The following SMARCC1 variants were observed in gnomAD, a reference collection of about 807,000 sequenced individuals.
SMARCC1 encodes SWI/SNF related BAF chromatin remodeling complex subunit C1.
A neutral mutation model predicts 147.4 loss-of-function variants in SMARCC1; 43 were observed. The observed-to-expected ratio is 0.29, with a 90% CI of 0.23 to 0.38. The LOEUF (loss-of-function observed/expected upper bound fraction) is 0.38. SMARCC1 is among the 10% of genes least tolerant of loss of function. The probability of loss-of-function intolerance (pLI) is 1.00; values close to 1 mark genes in which losing one functional copy is unlikely to be tolerated. For missense variants in SMARCC1, 1,119 were observed against 1,381.1 expected (o/e 0.81, Z 3.01); for synonymous variants, 495 against 484.4 (o/e 1.02, Z -0.29).
chr3:47,736,199 A>T, intron 4 of SMARCC1, 73 bp from the exon 5 acceptor site: 1 of 786,532 alleles, frequency 1.3e-6, no homozygotes, highest in Non-Finnish European at 2.0e-6. Context: ...TGCAATATAC[A>T]AACCACCCCC....
chr3:47,606,820 G>T (rs2032483774), intron 26 of SMARCC1, among the ~76,000 whole-genome samples: 1 of 151,506 alleles, frequency 6.6e-6, no homozygotes, highest in Non-Finnish European at 1.5e-5. Flanking sequence ...TGATCCTCCA[G>T]CCTCAGCCTC....
chr3:47,613,731 C>T (rs2032597440), intron 25 of SMARCC1, among the ~76,000 whole-genome samples: 1 of 152,072 alleles, frequency 6.6e-6, no homozygotes, highest in South Asian at 2.1e-4. Flanking sequence ...CTCCAGCGAA[C>T]CCAGTTTTTC....
intron 3 of SMARCC1, among the ~76,000 whole-genome samples, chr3:47,740,850 C>CAAAAAAAAAAAAAAAAAAAAAAAAAAA: frequency 1.3e-5 from 1 of 77,880 alleles, no homozygotes; most frequent in Non-Finnish European, 3.0e-5. Flanking sequence ...GACTCTGACT[C>CAAAAAAAAAAAAAAAAAAAAAAAAAAA]AAAAAAAAAA....
At position 47,638,308 on chromosome 3, in the gene SMARCC1, C is replaced by T. The variant is rs370389554; in HGVS notation, c.2376+417G>A. On this transcript the variant is annotated intron_variant, in intron 22 of 27. Coordinates refer to ENST00000254480, the MANE Select transcript of SMARCC1 (RefSeq NM_003074.4). Reference sequence around the variant, plus strand: ...TGGGGTTTCACCATGTTAGCCAGGACGGTCTCGATCTCTTGGCCTTGTAAT... The same window carrying T: ...TGGGGTTTCACCATGTTAGCCAGGATGGTCTCGATCTCTTGGCCTTGTAAT... 1.2e-4 allele frequency among the ~76,000 whole-genome samples: 18 copies of T among 152,198 alleles called. No individual in the cohort carries two copies. The South Asian group carries it at 1.7e-3, about 14-fold the overall frequency.
chr3:47,649,836 C>A (rs763664891), intron 21 of SMARCC1, among the ~76,000 whole-genome samples: 2 of 152,130 alleles, frequency 1.3e-5, no homozygotes, highest in Admixed American at 6.5e-5. Flanking sequence ...TACATTCCAA[C>A]TCTCTTGAGG....
At chr3:47,634,018 T>C (rs1349373287) in intron 24 of SMARCC1, among the ~76,000 whole-genome samples, 1 of 152,012 alleles carries the variant, frequency 6.6e-6, no homozygotes, top group Non-Finnish European at 1.5e-5. Context: ...AGTCAAGTTA[T>C]ATTAGCCGTC....
chr3:47,589,119 G>C (rs1178269828), intron 27 of SMARCC1, among the ~76,000 whole-genome samples: 1 of 152,206 alleles, frequency 6.6e-6, no homozygotes, highest in Non-Finnish European at 1.5e-5. Context: ...TAAGACTCTT[G>C]AAAGCATTCT....
At chr3:47,731,483 T>C (rs1231956905) in intron 5 of SMARCC1, among the ~76,000 whole-genome samples, 2 of 152,238 alleles carry the variant, frequency 1.3e-5, no homozygotes, top group Non-Finnish European at 2.9e-5. Context: ...GCATCTAGAA[T>C]GATGAATCTG....
intron 2 of SMARCC1, among the ~76,000 whole-genome samples, chr3:47,772,615 T>G (rs1180052342): frequency 1.3e-5 from 2 of 152,130 alleles, no homozygotes; most frequent in Non-Finnish European, 2.9e-5. Context: ...TGCTGCAATA[T>G]TTAATGCAAA....
At chr3:47,599,950 C>A (rs528959304) in intron 26 of SMARCC1, among the ~76,000 whole-genome samples, 1 of 152,274 alleles carries the variant, frequency 6.6e-6, no homozygotes, top group East Asian at 1.9e-4. Context: ...GTACTATTTC[C>A]AAAGCTATCT....
intron 8 of SMARCC1, among the ~76,000 whole-genome samples, chr3:47,713,237 G>C (rs1044466558): frequency 1.3e-5 from 2 of 151,910 alleles, no homozygotes; most frequent in Non-Finnish European, 2.9e-5. Context: ...AGAATGGTGT[G>C]AACCCGGGAG....
intron 2 of SMARCC1, among the ~76,000 whole-genome samples, chr3:47,749,734 GAC>G (rs2034606716): frequency 3.8e-5 from 2 of 53,290 alleles, no homozygotes; most frequent in Admixed American, 2.8e-4. Flanking sequence ...CAGAGAAAGA[GAC>G]AGAGAGAGAG....
intron 3 of SMARCC1, among the ~76,000 whole-genome samples, chr3:47,743,541 T>C (rs2034532920): frequency 6.6e-6 from 1 of 152,024 alleles, no homozygotes; most frequent in Admixed American, 6.6e-5. Context: ...TGGCCGGGCA[T>C]GGTGACTCAT....
At chr3:47,670,350 C>G (rs2033478926) in intron 19 of SMARCC1, 1 of 330,272 alleles carries the variant, frequency 3.0e-6, no homozygotes, top group African/African-American at 2.1e-5. Flanking sequence ...TTTGGGAGGC[C>G]AAGGTGGGAG....
chr3:47,686,197 G>A (rs775508579), intron 13 of SMARCC1, 27 bp from the exon 14 acceptor site: 3 of 1,592,234 alleles, frequency 1.9e-6, no homozygotes, highest in Non-Finnish European at 2.6e-6. Context: ...AAAGTTCAAA[G>A]AAAGAAAGAA....
At position 47,638,209 on chromosome 3, in the gene SMARCC1, C is replaced by T. The variant is rs548433751; in HGVS notation, c.2376+516G>A. ...CCGGGTTCACGCCATTCTCCTGCCT[C>T]AGCCTCCTGAGTAGCTGGGACTACA... On this transcript the variant is annotated intron_variant, in intron 22 of 27. Transcript: ENST00000254480. Among the ~76,000 whole-genome samples, 16 of 152,292 alleles carry T rather than the reference C, an allele frequency of 1.1e-4. No individual in the cohort carries two copies. In the South Asian group the frequency reaches 3.3e-3, roughly 32 times the overall value.
intron 2 of SMARCC1, among the ~76,000 whole-genome samples, chr3:47,751,617 A>G (rs902517429): frequency 6.6e-6 from 1 of 152,142 alleles, no homozygotes. Flanking sequence ...GTGTAATCCC[A>G]GCACTTTGGG....
At chr3:47,737,069 C>G (rs2106830213) in intron 4 of SMARCC1, among the ~76,000 whole-genome samples, 1 of 152,186 alleles carries the variant, frequency 6.6e-6, no homozygotes, top group South Asian at 2.1e-4. Flanking sequence ...ATCAAGTGAA[C>G]AGTAGGATGG....
intron 21 of SMARCC1, among the ~76,000 whole-genome samples, chr3:47,654,629 G>A (rs111418929): frequency 1.3e-4 from 20 of 152,326 alleles, no homozygotes; most frequent in African/African-American, 4.6e-4. Context: ...TCAAGGGCAT[G>A]GCCCCGATTC....
Sources: allele counts gnomAD v4.1 joint callset (sites outside exome capture counted in the v4.1 genomes callset), GRCh38; gene constraint gnomAD v4.1.1; transcripts MANE v1.5; gene names NCBI Gene and HGNC (gene_info 2026-07-23, HGNC 2026-07-21).